SFXN5: variants seen among roughly 807,000 people sequenced by gnomAD.
SFXN5 encodes sideroflexin 5.
Under a neutral mutation model 50.2 loss-of-function variants are expected in SFXN5, and 43 were observed. The observed-to-expected ratio is 0.86, with a 90% confidence interval of 0.67 to 1.11. The LOEUF (loss-of-function observed/expected upper bound fraction) is 1.11, where lower values mean the gene tolerates loss of function less well. Among genes scored for constraint, SFXN5 ranks in the 50% least tolerant of loss-of-function variants. The pLI is 0.00. For synonymous variants in SFXN5, 203 were observed against 185.8 expected (o/e 1.09, Z -0.75); for missense variants, 463 against 454.1 (o/e 1.02, Z -0.18).
intron 8 of SFXN5, 79 bp from the exon 9 acceptor site, chr2:72,999,093 G>C: frequency 6.8e-7 from 1 of 1,476,678 alleles, no homozygotes. Flanking sequence ...GTCCCAGCCA[G>C]CAAGAAGCAT....
intron 1 of SFXN5, among the ~76,000 whole-genome samples, chr2:73,064,751 T>C (rs569064424): frequency 1.3e-5 from 2 of 152,300 alleles, no homozygotes; most frequent in South Asian, 2.1e-4. Flanking sequence ...CCCCCAGTCA[T>C]CTCAGCAGAT....
Position 73,058,705 on chromosome 2 carries a change from C to T in SFXN5, c.103-109G>A. ...GATTGGGGTCCCCCGGTCCCCAGGA[C>T]TCCTCGTGTGGGTGATAAATGCCAA... On this transcript the variant is annotated intron_variant, in intron 1 of 13. Transcript: ENST00000272433. The T allele has an allele frequency of 3.1e-6, 3 of 966,780 alleles. No homozygotes were observed. The South Asian group carries it at 4.2e-5, about 13-fold the overall frequency. 59.9% of individuals were successfully genotyped at this position (966,780 alleles called of 1,614,324 possible). A position where few individuals can be genotyped will look rare whatever the true frequency, so the allele number is the denominator to read the frequency against.
At chr2:73,006,814 T>G (rs1391266373) in intron 6 of SFXN5, among the ~76,000 whole-genome samples, 1 of 152,238 alleles carries the variant, frequency 6.6e-6, no homozygotes, top group Non-Finnish European at 1.5e-5. Flanking sequence ...CCAGGGATGC[T>G]GGCTCCTAAG....
intron 1 of SFXN5, among the ~76,000 whole-genome samples, chr2:73,063,171 T>C (rs528301449): frequency 3.5e-4 from 54 of 152,198 alleles, no homozygotes; most frequent in Non-Finnish European, 6.2e-4. Flanking sequence ...CAGTCTGAGA[T>C]ATTTAAAGGG....
At chr2:73,000,929 C>T (rs1300426476) in intron 7 of SFXN5, among the ~76,000 whole-genome samples, 1 of 152,236 alleles carries the variant, frequency 6.6e-6, no homozygotes, top group African/African-American at 2.4e-5. Flanking sequence ...AGTTCCCAGA[C>T]ACAGAGGCCG....
intron 1 of SFXN5, among the ~76,000 whole-genome samples, chr2:73,063,523 G>C (rs894045602): frequency 6.6e-6 from 1 of 152,192 alleles, no homozygotes; most frequent in Non-Finnish European, 1.5e-5. Flanking sequence ...TCAGGGTCTT[G>C]TTTCCTTAAA....
chr2:73,010,202 C>A (rs1246678885), intron 6 of SFXN5, among the ~76,000 whole-genome samples: 2 of 152,160 alleles, frequency 1.3e-5, no homozygotes, highest in African/African-American at 2.4e-5. Context: ...ATATACCCAG[C>A]TAAATTCTAA....
At chr2:73,071,355 G>A (rs557373040) in intron 1 of SFXN5, 22 of 500,968 alleles carry the variant, frequency 4.4e-5, no homozygotes, top group Non-Finnish European at 5.7e-5. Flanking sequence ...GGGCGGGAAA[G>A]GCTAGAGGGC....
At position 72,988,325 on chromosome 2, in the gene SFXN5, C is replaced by G; in HGVS notation, c.558G>C (p.Gln186His). The change falls in exon 10 of 14, where the codon CAG (glutamine) becomes CAC (histidine). Residue 186 changes from glutamine (Q) to histidine (H), a missense_variant. Physicochemically the swap from Gln to His is conservative, Grantham distance 24. Coordinates refer to ENST00000272433, the MANE Select transcript of SFXN5 (RefSeq NM_144579.3). Reference protein sequence around the residue: ...SIAVGLNVLVQKANKFTPATR... With the variant: ...SIAVGLNVLVHKANKFTPATR... ...TGGCTGGGGTGAACTTGTTGGCTTT[C>G]TGAACCAGGACATTAAGGCCCACCT... The G allele has an allele frequency of 2.5e-6, 4 of 1,613,876 alleles. No homozygotes were observed. Among genetic ancestry groups the G allele is most frequent in the Non-Finnish European group, 3.4e-6 (4 of 1,179,824 alleles).
intron 6 of SFXN5, chr2:73,019,468 G>A (rs1008761050): frequency 3.3e-5 from 4 of 122,340 alleles, no homozygotes; most frequent in East Asian, 2.3e-4. Flanking sequence ...TCGCTCTGTT[G>A]CCCAGCCTGG....
intron 10 of SFXN5, among the ~76,000 whole-genome samples, chr2:72,984,847 C>G (rs947888258): frequency 6.6e-6 from 1 of 152,076 alleles, no homozygotes; most frequent in South Asian, 2.1e-4. Flanking sequence ...GGTCCAGGTG[C>G]GTGTGTCTCA....
intron 2 of SFXN5, among the ~76,000 whole-genome samples, chr2:73,047,275 T>C (rs13396565): frequency 0.13 from 6,761 of 51,606 alleles, 520 homozygotes; most frequent in East Asian, 0.24. Context: ...TATATATATA[T>C]ACACACATAT....
At chr2:72,977,325 T>C (rs1670741989) in intron 10 of SFXN5, among the ~76,000 whole-genome samples, 3 of 152,204 alleles carry the variant, frequency 2.0e-5, no homozygotes, top group Admixed American at 1.3e-4. Flanking sequence ...GGGTTTCTGC[T>C]AATTTCAGCC....
intron 6 of SFXN5, among the ~76,000 whole-genome samples, chr2:73,003,206 T>G (rs188054614): frequency 1.3e-5 from 2 of 152,168 alleles, no homozygotes; most frequent in Non-Finnish European, 2.9e-5. Flanking sequence ...CATGCCTGAC[T>G]GCCTTCTACC....
Position 72,945,037 on chromosome 2 carries a change from G to T in SFXN5, c.1008C>A (p.Tyr336Ter). 2 of 1,613,892 alleles carry T rather than the reference G, an allele frequency of 1.2e-6. No homozygotes were observed. Among genetic ancestry groups the T allele is most frequent in the Middle Eastern group, 1.7e-4 (1 of 6,058 alleles). The change falls in exon 14 of 14, where the codon TAC (tyrosine) becomes TAA (stop). Residue 336 changes from tyrosine to a stop codon, truncating the protein, a stop_gained. Transcript: ENST00000272433. LOFTEE classifies it high-confidence loss of function. This position sits in a 1 kb window ranked among gnomAD's most constrained non-coding sequence, Gnocchi z 5.8. The stretch of plus-strand genomic sequence containing the variant: ...CTGACCACACTCACAACCCCTTGTT[G>T]TACACCACTGTCCGGCTGCTCGTGG... ...AQATSSRTVV[Y>*]NKGL
In SFXN5 at chr2:73,000,502, TGA is replaced by T; in HGVS notation, c.412-17_412-16del. On this transcript the variant is annotated splice_polypyrimidine_tract_variant and intron_variant, in intron 7 of 13. Coordinates refer to ENST00000272433, the MANE Select transcript of SFXN5 (RefSeq NM_144579.3). ...TGGTTCAGCCACTGAAAGGCAATGA[TGA>T]GAGAAGTCAGGGAAGGAGTGGTCAC... 2 of 1,556,152 alleles carry T rather than the reference TGA, an allele frequency of 1.3e-6. No homozygotes were observed. The highest frequency in any genetic ancestry group is 1.7e-6 in the Non-Finnish European group (2 of 1,148,834).
intron 6 of SFXN5, among the ~76,000 whole-genome samples, chr2:73,005,095 C>T (rs1416591192): frequency 6.6e-6 from 1 of 152,098 alleles, no homozygotes; most frequent in South Asian, 2.1e-4. Context: ...GCCACGCAGA[C>T]GGGTGGAGAG....
intron 3 of SFXN5, among the ~76,000 whole-genome samples, chr2:73,031,585 A>C (rs1452792996): frequency 6.6e-6 from 1 of 152,236 alleles, no homozygotes; most frequent in Non-Finnish European, 1.5e-5. Context: ...GATATCAGGG[A>C]AAGATTTCCA....
At chr2:73,041,526 C>T (rs1679640314) in intron 2 of SFXN5, 1 of 288,460 alleles carries the variant, frequency 3.5e-6, no homozygotes. Flanking sequence ...CCTGTCTCTA[C>T]TAAAAATACA....
Sources: allele counts gnomAD v4.1 joint callset (sites outside exome capture counted in the v4.1 genomes callset), GRCh38; gene constraint gnomAD v4.1.1; non-coding constraint Gnocchi (gnomAD v3.1); transcripts MANE v1.5; gene names NCBI Gene and HGNC (gene_info 2026-07-23, HGNC 2026-07-21).